The following ZNF708 variants were observed in gnomAD, a reference collection of about 807,000 sequenced individuals.
The protein encoded by ZNF708 is zinc finger protein 708, also known as ZNF15, ZNF15L1.
A neutral mutation model predicts 47.0 loss-of-function variants in ZNF708; 44 were observed. That is an observed-to-expected ratio of 0.94 (90% confidence interval 0.74 to 1.20). The LOEUF (loss-of-function observed/expected upper bound fraction) is 1.20, where lower values mean the gene tolerates loss of function less well. Among genes scored for constraint, ZNF708 ranks in the 50% most tolerant of loss-of-function variants. The pLI, the probability that ZNF708 is intolerant of heterozygous loss-of-function variation, is 0.00. For synonymous variants in ZNF708, 184 were observed against 218.5 expected, an observed-to-expected ratio of 0.84 and a Z score of 1.39; for missense variants, 557 against 656.0, an observed-to-expected ratio of 0.85 and a Z score of 1.65.
intron 3 of ZNF708, among the ~76,000 whole-genome samples, chr19:21,305,043 G>A (rs927246430): frequency 2.0e-5 from 3 of 151,094 alleles, no homozygotes; most frequent in East Asian, 1.9e-4. Flanking sequence ...ATGGAGTCTC[G>A]CTCTGTTGCC....
intron 1 of ZNF708, among the ~76,000 whole-genome samples, chr19:21,311,039 T>C (rs912246156): frequency 1.3e-5 from 2 of 152,196 alleles, no homozygotes; most frequent in African/African-American, 4.8e-5. Context: ...GTGGAGATTA[T>C]TTTTTCAGAA....
intron 3 of ZNF708, among the ~76,000 whole-genome samples, chr19:21,299,489 G>A (rs1972610030): frequency 6.6e-6 from 1 of 151,906 alleles, no homozygotes; most frequent in Non-Finnish European, 1.5e-5. Context: ...AGTGGCTCAT[G>A]CCTGTAATCC....
At chr19:21,301,449 C>T (rs1972657616) in intron 3 of ZNF708, among the ~76,000 whole-genome samples, 1 of 152,054 alleles carries the variant, frequency 6.6e-6, no homozygotes, top group African/African-American at 2.4e-5. Context: ...CCCATCTCTA[C>T]TAAAAATACA....
intron 3 of ZNF708, among the ~76,000 whole-genome samples, chr19:21,301,609 C>A (rs1351313047): frequency 6.6e-6 from 1 of 151,690 alleles, no homozygotes; most frequent in East Asian, 1.9e-4. Context: ...CAGCTAGACT[C>A]CATCTCAAAA....
chr19:21,297,903 A>T (rs1330109913), intron 3 of ZNF708, among the ~76,000 whole-genome samples: 1 of 152,062 alleles, frequency 6.6e-6, no homozygotes, highest in Non-Finnish European at 1.5e-5. Context: ...GAAAACTCTG[A>T]AAAGAGAAAA....
At chr19:21,329,085 G>T in intron 1 of ZNF708, 125 bp downstream of exon 1, 1 of 1,427,412 alleles carries the variant, frequency 7.0e-7, no homozygotes, top group Non-Finnish European at 9.8e-7. Context: ...GCCGAGCTAG[G>T]CAAGGAGAAC....
chr19:21,308,200 T>G (rs1047734528), intron 3 of ZNF708, among the ~76,000 whole-genome samples: 1 of 151,472 alleles, frequency 6.6e-6, no homozygotes, highest in Non-Finnish European at 1.5e-5. Context: ...TTCAAGAAAC[T>G]CCCTACCAAA....
At chr19:21,311,490 T>TC (rs1368393469) in intron 1 of ZNF708, among the ~76,000 whole-genome samples, 2 of 151,684 alleles carry the variant, frequency 1.3e-5, no homozygotes, top group African/African-American at 4.8e-5. Context: ...GCTGGAATAT[T>TC]CCCCCCAAAA....
chr19:21,294,836 G>T, intron 3 of ZNF708, 97 bp from the exon 4 acceptor site: 1 of 1,156,698 alleles, frequency 8.6e-7, no homozygotes, highest in Non-Finnish European at 1.2e-6. Flanking sequence ...AGATGACATA[G>T]CAAAATACTA....
At chr19:21,303,547 C>T (rs1972699751) in intron 3 of ZNF708, among the ~76,000 whole-genome samples, 1 of 151,034 alleles carries the variant, frequency 6.6e-6, no homozygotes, top group African/African-American at 2.4e-5. Context: ...GAGTGAGATC[C>T]TTTCTCAAAA....
At chr19:21,306,362 A>G (rs920184107) in intron 3 of ZNF708, among the ~76,000 whole-genome samples, 4 of 152,178 alleles carry the variant, frequency 2.6e-5, no homozygotes, top group Admixed American at 2.6e-4. Flanking sequence ...TATATAAACA[A>G]CTCTTAAAAC....
At chr19:21,312,741 C>T (rs1478783293) in intron 1 of ZNF708, among the ~76,000 whole-genome samples, 1 of 151,900 alleles carries the variant, frequency 6.6e-6, no homozygotes, top group South Asian at 2.1e-4. Context: ...AATGTTGCTC[C>T]CCCGGGCTCA....
At chr19:21,310,655 T>C in intron 1 of ZNF708, 28 bp from the exon 2 acceptor site, 2 of 1,443,084 alleles carry the variant, frequency 1.4e-6, no homozygotes, top group South Asian at 1.5e-5. Flanking sequence ...ACACACATAT[T>C]TACCAAGTGG....
intron 3 of ZNF708, among the ~76,000 whole-genome samples, chr19:21,305,379 T>C (rs1297763947): frequency 1.3e-5 from 2 of 151,970 alleles, no homozygotes; most frequent in Non-Finnish European, 2.9e-5. Flanking sequence ...GACCTAACAG[T>C]GGTGAATGAA....
At chr19:21,316,495 G>A (rs1288288660) in intron 1 of ZNF708, among the ~76,000 whole-genome samples, 1 of 152,160 alleles carries the variant, frequency 6.6e-6, no homozygotes, top group Non-Finnish European at 1.5e-5. Context: ...GATTCTGGAT[G>A]GGTGGAGTAG....
At chr19:21,306,574 T>G (rs1398700115) in intron 3 of ZNF708, among the ~76,000 whole-genome samples, 1 of 152,066 alleles carries the variant, frequency 6.6e-6, no homozygotes, top group Non-Finnish European at 1.5e-5. Flanking sequence ...AAACACCAAA[T>G]CTGTTGATAA....
Position 21,294,398 on chromosome 19 carries a change from G to A in ZNF708, c.568C>T (p.His190Tyr). ...LSQLTQHEII[H>Y]TGEKPYKCEE... Reference sequence around the variant, plus strand: ...CATTTGTAGGGTTTTTCTCCAGTATGAATTATCTCATGTTGAGTTAGTTGT... The same window carrying A: ...CATTTGTAGGGTTTTTCTCCAGTATAAATTATCTCATGTTGAGTTAGTTGT... Residue 190 changes from histidine (H) to tyrosine (Y), a missense_variant, in exon 4 of 4, where the codon CAT (histidine) becomes TAT (tyrosine). Coordinates refer to ENST00000356929, the MANE Select transcript of ZNF708 (RefSeq NM_021269.3). The A allele has an allele frequency of 6.2e-7, 1 of 1,613,692 alleles. No homozygotes were observed. Among genetic ancestry groups the A allele is most frequent in the East Asian group, 2.2e-5 (1 of 44,834 alleles).
Position 21,293,496 on chromosome 19 carries a change from A to T in ZNF708, c.1470T>A (p.His490Gln), listed in dbSNP as rs1972441212. ...ECGKSFILSS[H>Q]LTTHKIIHTG... ...TATGAATTATCTTATGTGTAGTAAG[A>T]TGAGAGGACAGAATAAAGCTTTTGC... Residue 490 changes from histidine (H) to glutamine (Q), a missense_variant, in exon 4 of 4, where the codon CAT becomes CAA. Coordinates refer to ENST00000356929, the MANE Select transcript of ZNF708 (RefSeq NM_021269.3). 1 of 1,610,218 alleles carries T rather than the reference A, an allele frequency of 6.2e-7. No homozygotes were observed. The highest frequency in any genetic ancestry group is 1.3e-5 in the African/African-American group (1 of 74,116).
At chr19:21,308,346 C>T (rs950261643) in intron 3 of ZNF708, among the ~76,000 whole-genome samples, 8 of 149,850 alleles carry the variant, frequency 5.3e-5, no homozygotes, top group South Asian at 4.2e-4. Context: ...GTGGCACAAT[C>T]GCAGCTCACA....
Sources: allele counts gnomAD v4.1 joint callset (sites outside exome capture counted in the v4.1 genomes callset), GRCh38; gene constraint gnomAD v4.1.1; transcripts MANE v1.5; gene names NCBI Gene and HGNC (gene_info 2026-07-23, HGNC 2026-07-21).